Variants in IAH1 observed in about 807,000 individuals in gnomAD.
IAH1 encodes isoamyl acetate-hydrolyzing esterase 1 homolog.
IAH1 carries 24 observed loss-of-function variants against 26.7 expected under a neutral mutation model. The observed-to-expected ratio is 0.90, with a 90% CI of 0.65 to 1.26. The LOEUF (loss-of-function observed/expected upper bound fraction) is 1.26, where lower values mean the gene tolerates loss of function less well. IAH1 is among the 50% of genes most tolerant of loss of function. The pLI is 0.00. For missense variants in IAH1, 300 were observed against 299.9 expected, an observed-to-expected ratio of 1.00 and a Z score of 0.00; for synonymous variants, 140 against 118.5, an observed-to-expected ratio of 1.18 and a Z score of -1.18.
chr2:9,506,679 A>G, the IAH1 span: 1 of 152,298 alleles, frequency 6.6e-6, no homozygotes, highest in African/African-American at 2.4e-5. Context: ...CTGTCGTTAC[A>G]GTACAGATGT....
chr2:9,485,292 C>T (rs56170620), intron 5 of IAH1: 63,495 of 152,170 alleles, frequency 0.42, 14,379 homozygotes, highest in Middle Eastern at 0.62. Flanking sequence ...AGGCGCTTCA[C>T]TGAGGGAAGG....
chr2:9,505,023 G>T, the IAH1 span: 1 of 929,324 alleles, frequency 1.1e-6, no homozygotes, highest in Non-Finnish European at 1.6e-6. Context: ...ATTTCTTGCT[G>T]TGAAGGGCAA....
At chr2:9,475,621 C>T (rs1682442870) in intron 1 of IAH1, 1 of 274,766 alleles carries the variant, frequency 3.6e-6, no homozygotes, top group African/African-American at 2.2e-5. Context: ...CTGCCTCAGC[C>T]TCCCGAGTAG....
At chr2:9,502,356 G>A in the IAH1 span, 1 of 1,214,710 alleles carries the variant, frequency 8.2e-7, no homozygotes, top group Non-Finnish European at 1.2e-6. Flanking sequence ...TTACGTTACA[G>A]TGACCTGAAG....
chr2:9,496,889 A>G (rs573776441), downstream of IAH1, among the ~76,000 whole-genome samples: 4 of 152,312 alleles, frequency 2.6e-5, no homozygotes, highest in East Asian at 7.7e-4. Context: ...TATGGCCTGA[A>G]ACTGCAGCAA....
chr2:9,495,884 G>A (rs1207542135), intron 6 of IAH1, among the ~76,000 whole-genome samples: 2 of 146,478 alleles, frequency 1.4e-5, no homozygotes, highest in South Asian at 2.1e-4. Context: ...TTTTTAAGAG[G>A]TGAGGTTTCA....
the IAH1 span, among the ~76,000 whole-genome samples, chr2:9,504,156 G>T: frequency 6.6e-6 from 1 of 151,812 alleles, no homozygotes; most frequent in African/African-American, 2.4e-5. Context: ...GTCTCAAAAA[G>T]AAAATAAAGG....
the IAH1 span, among the ~76,000 whole-genome samples, chr2:9,504,931 T>C: frequency 6.6e-6 from 1 of 152,202 alleles, no homozygotes; most frequent in South Asian, 2.1e-4. Flanking sequence ...TTGCCCAGGC[T>C]GTTCTCAAGC....
Position 9,481,332 on chromosome 2 carries a change from C to A in IAH1, c.330C>A (p.Asn110Lys). 6.2e-7 allele frequency: 1 copy of A among 1,614,126 alleles called. No homozygotes were observed. Among genetic ancestry groups the A allele is most frequent in the Non-Finnish European group, 8.5e-7 (1 of 1,180,016 alleles). ...TTCCCCTGGAGGAGTACGCTGCGAACCTAAAGAGCATGGTGCAGTACCTGA... is the reference window on the plus strand; with the variant it reads ...TTCCCCTGGAGGAGTACGCTGCGAAACTAAAGAGCATGGTGCAGTACCTGA... ...QHIPLEEYAANLKSMVQYLKS... is the reference protein window; with the variant it reads ...QHIPLEEYAAKLKSMVQYLKS... The change falls in exon 4 of 6, where the codon AAC becomes AAA. Residue 110 changes from asparagine to lysine, a missense_variant. Transcript: ENST00000497473.
intron 6 of IAH1, among the ~76,000 whole-genome samples, chr2:9,495,511 G>A (rs996350058): frequency 2.0e-5 from 3 of 152,084 alleles, no homozygotes; most frequent in Admixed American, 6.5e-5. Context: ...CCAGGAGTTC[G>A]AGAACAGCCT....
chr2:9,508,681 G>A, the IAH1 span, among the ~76,000 whole-genome samples: 2 of 152,050 alleles, frequency 1.3e-5, no homozygotes, highest in Non-Finnish European at 2.9e-5. Context: ...CATTTCAATT[G>A]CTCCACTGGG....
chr2:9,503,366 G>A, the IAH1 span, among the ~76,000 whole-genome samples: 3 of 151,992 alleles, frequency 2.0e-5, no homozygotes, highest in African/African-American at 7.3e-5. Flanking sequence ...TGAAAACCTG[G>A]GTAACTTTCT....
In IAH1 at chr2:9,474,651, C is replaced by A; in HGVS notation, c.81+4C>A. 1.3e-6 allele frequency: 2 copies of A among 1,543,264 alleles called. No homozygotes were observed. Among genetic ancestry groups the A allele is most frequent in the East Asian group, 2.6e-5 (1 of 38,142 alleles). Reference sequence around the variant, plus strand: ...CTTCGGGGACTCCATCACCCAGGTACGGCCGCCCCGACGCTCGGCCTCCCG... The same window carrying A: ...CTTCGGGGACTCCATCACCCAGGTAAGGCCGCCCCGACGCTCGGCCTCCCG... On this transcript the variant is annotated splice_donor_region_variant and intron_variant, in intron 1 of 5. Transcript: ENST00000497473. The surrounding 1 kb of genome is among the most constrained non-coding windows in gnomAD (Gnocchi z 4.3).
the IAH1 span, among the ~76,000 whole-genome samples, chr2:9,505,880 G>A: frequency 6.6e-6 from 1 of 152,102 alleles, no homozygotes; most frequent in Non-Finnish European, 1.5e-5. Flanking sequence ...TTAAATATTT[G>A]AGCTTAGTAA....
chr2:9,498,384 T>C (rs929779316), downstream of IAH1, among the ~76,000 whole-genome samples: 3 of 152,124 alleles, frequency 2.0e-5, no homozygotes, highest in African/African-American at 4.8e-5. Context: ...AGAGACAGGA[T>C]GGAATGAGTG....
At chr2:9,474,506 C>T (rs1682350382), upstream of IAH1, 7 of 1,038,794 alleles carry the variant, frequency 6.7e-6, no homozygotes, top group South Asian at 1.0e-4. This position sits in a 1 kb window ranked among gnomAD's most constrained non-coding sequence, Gnocchi z 4.3. Context: ...AACCCACGGG[C>T]GGCCACTGCG....
chr2:9,511,833 T>A, the IAH1 span, among the ~76,000 whole-genome samples: 3 of 151,804 alleles, frequency 2.0e-5, no homozygotes, highest in Non-Finnish European at 4.4e-5. Flanking sequence ...TAGCCAGGCA[T>A]TGTGGTGGGC....
chr2:9,510,541 G>C, the IAH1 span, among the ~76,000 whole-genome samples: 1 of 152,112 alleles, frequency 6.6e-6, no homozygotes, highest in Non-Finnish European at 1.5e-5. Flanking sequence ...GCACGCGCCT[G>C]TAATCTCAAC....
chr2:9,478,561 C>T (rs1572834787), intron 3 of IAH1, among the ~76,000 whole-genome samples, 191 bp downstream of exon 3: 1 of 152,168 alleles, frequency 6.6e-6, no homozygotes, highest in African/African-American at 2.4e-5. Context: ...TTTCTACATA[C>T]CTTGGTTGCT....
Sources: gnomAD v4.1 joint callset for allele counts (sites outside exome capture counted in the v4.1 genomes callset) on GRCh38, gnomAD v4.1.1 for gene constraint, Gnocchi (gnomAD v3.1) non-coding constraint, MANE v1.5 for transcripts, NCBI Gene and HGNC (gene_info 2026-07-23, HGNC 2026-07-21) for gene names.